CNTNAP2: variants seen among roughly 807,000 people sequenced by gnomAD.
CNTNAP2 encodes the protein contactin associated protein 2.
A neutral mutation model predicts 155.2 loss-of-function variants in CNTNAP2; 98 were observed. That is an observed-to-expected ratio of 0.63 (90% confidence interval 0.54 to 0.75). The LOEUF is 0.75. CNTNAP2 is among the 30% of genes least tolerant of loss of function. The probability of loss-of-function intolerance (pLI) is 0.00; values close to 1 mark genes in which losing one functional copy is unlikely to be tolerated. For synonymous variants in CNTNAP2, 651 were observed against 631.2 expected (o/e 1.03, Z -0.47); for missense variants, 1,727 against 1,688.1 (o/e 1.02, Z -0.40).
In CNTNAP2 at chr7:147,995,351, C is replaced by T. The variant is rs552415929; in HGVS notation, c.2383+17362C>T. Among the ~76,000 whole-genome samples the T allele has an allele frequency of 2.0e-5, 3 of 152,174 alleles. No homozygotes were observed. In the East Asian group the frequency reaches 5.8e-4, roughly 29 times the overall value. On this transcript the variant is annotated intron_variant, in intron 15 of 23. Transcript: ENST00000361727. ...CTTCTCCAGCACAAGGATGCTGCCTCTCTCCTTCCCCTGCTCCCCAAACCC... is the reference window on the plus strand; with the variant it reads ...CTTCTCCAGCACAAGGATGCTGCCTTTCTCCTTCCCCTGCTCCCCAAACCC...
chr7:147,105,147 A>G (rs1800739966), intron 4 of CNTNAP2, among the ~76,000 whole-genome samples: 1 of 151,590 alleles, frequency 6.6e-6, no homozygotes, highest in Admixed American at 6.6e-5. Context: ...TAAACTTAAA[A>G]TTTTAATATT....
intron 2 of CNTNAP2, among the ~76,000 whole-genome samples, chr7:146,780,068 T>C (rs1025557489): frequency 1.3e-5 from 2 of 152,190 alleles, no homozygotes; most frequent in African/African-American, 4.8e-5. Context: ...GTATTTCTGG[T>C]TCTAGATCCT....
Position 147,287,549 on chromosome 7 carries a change from C to T in CNTNAP2, c.1349-12592C>T, listed in dbSNP as rs573348065. The stretch of plus-strand genomic sequence containing the variant: ...TGAAAATTTAGAGTACTCCAAGGTT[C>T]AGCCTAAACTCTCTTTTCTGTGTCA... On this transcript the variant is annotated intron_variant, in intron 8 of 23. Coordinates refer to ENST00000361727, the MANE Select transcript of CNTNAP2 (RefSeq NM_014141.6). 1.6e-4 allele frequency among the ~76,000 whole-genome samples: 24 copies of T among 152,172 alleles called. No homozygotes were observed. In the East Asian group the frequency reaches 4.1e-3, roughly 26 times the overall value.
intron 13 of CNTNAP2, among the ~76,000 whole-genome samples, chr7:147,783,761 G>A (rs1051283030): frequency 5.3e-5 from 8 of 152,292 alleles, no homozygotes; most frequent in Non-Finnish European, 8.8e-5. Flanking sequence ...ACCCCAGAGA[G>A]TTCCTTCTCC....
intron 1 of CNTNAP2, among the ~76,000 whole-genome samples, chr7:146,645,340 G>A (rs1385491939): frequency 6.6e-6 from 1 of 152,120 alleles, no homozygotes; most frequent in Non-Finnish European, 1.5e-5. Flanking sequence ...CATTGCATGG[G>A]GGCTGGAGGG....
chr7:147,919,738 G>A (rs1444124078), intron 14 of CNTNAP2, among the ~76,000 whole-genome samples: 2 of 151,194 alleles, frequency 1.3e-5, no homozygotes, highest in Non-Finnish European at 2.9e-5. Context: ...GATTACAGGC[G>A]TGAGCCACCA....
At chr7:146,380,890 T>TG (rs1276908934) in intron 1 of CNTNAP2, among the ~76,000 whole-genome samples, 2 of 131,714 alleles carry the variant, frequency 1.5e-5, no homozygotes, top group Admixed American at 1.7e-4. Context: ...CTCCGCCCCC[T>TG]GGGGTTCACG....
chr7:147,862,227 T>C lies in CNTNAP2; in HGVS notation c.2099-41338T>C, dbSNP rs1226224481. Among the ~76,000 whole-genome samples, 5 of 152,248 alleles carry C rather than the reference T, an allele frequency of 3.3e-5. No homozygotes were observed. The East Asian group carries it at 9.7e-4, about 29-fold the overall frequency. On this transcript the variant is annotated intron_variant, in intron 13 of 23. Coordinates refer to ENST00000361727, the MANE Select transcript of CNTNAP2 (RefSeq NM_014141.6). ...TTATAAAATGCCTGACACATAACTGTGATTACAGCATTAGAGGTTTAAAAT... is the reference window on the plus strand; with the variant it reads ...TTATAAAATGCCTGACACATAACTGCGATTACAGCATTAGAGGTTTAAAAT...
chr7:146,585,101 G>T (rs1798667471), intron 1 of CNTNAP2, among the ~76,000 whole-genome samples: 1 of 147,858 alleles, frequency 6.8e-6, no homozygotes, highest in Non-Finnish European at 1.5e-5. Context: ...GAGTATCTTG[G>T]TGTTTTGTTT....
At chr7:147,965,614 C>T (rs1200362740) in intron 14 of CNTNAP2, among the ~76,000 whole-genome samples, 1 of 151,866 alleles carries the variant, frequency 6.6e-6, no homozygotes, top group African/African-American at 2.4e-5. Context: ...CACTCCCACC[C>T]CACCCTCCAG....
At chr7:147,616,584 A>G (rs1801297984) in intron 12 of CNTNAP2, among the ~76,000 whole-genome samples, 1 of 151,976 alleles carries the variant, frequency 6.6e-6, no homozygotes, top group Non-Finnish European at 1.5e-5. Context: ...CTTCCCATTG[A>G]TCTTCATATC....
chr7:147,570,100 C>G (rs1484218225), intron 12 of CNTNAP2, among the ~76,000 whole-genome samples: 1 of 152,196 alleles, frequency 6.6e-6, no homozygotes, highest in African/African-American at 2.4e-5. Flanking sequence ...TTGGTCGTCA[C>G]TCAGGATAAT....
At chr7:148,393,447 C>G (rs755082824) in intron 22 of CNTNAP2, among the ~76,000 whole-genome samples, 1 of 152,202 alleles carries the variant, frequency 6.6e-6, no homozygotes, top group Non-Finnish European at 1.5e-5. Context: ...CCTGCAAAAA[C>G]ACCAAGCGCA....
intron 14 of CNTNAP2, among the ~76,000 whole-genome samples, chr7:147,925,889 G>A (rs1245197345): frequency 6.6e-6 from 1 of 151,998 alleles, no homozygotes; most frequent in Non-Finnish European, 1.5e-5. Context: ...TCAACTCCTG[G>A]CAACAACTGA....
intron 21 of CNTNAP2, among the ~76,000 whole-genome samples, chr7:148,306,393 T>C (rs1475784148): frequency 6.6e-6 from 1 of 152,192 alleles, no homozygotes; most frequent in Non-Finnish European, 1.5e-5. Context: ...CAATTTCTTC[T>C]TTCATTTCCT....
intron 8 of CNTNAP2, among the ~76,000 whole-genome samples, chr7:147,209,018 T>C (rs1803080975): frequency 6.6e-6 from 1 of 151,984 alleles, no homozygotes; most frequent in South Asian, 2.1e-4. Flanking sequence ...TTTGTTTTTA[T>C]GTATATTGTG....
intron 8 of CNTNAP2, among the ~76,000 whole-genome samples, chr7:147,161,312 G>A (rs938170932): frequency 6.6e-6 from 1 of 152,154 alleles, no homozygotes; most frequent in Non-Finnish European, 1.5e-5. Flanking sequence ...GGATAAGTGA[G>A]CCTCCTCCTG....
At chr7:147,250,432 G>A (rs943435626) in intron 8 of CNTNAP2, among the ~76,000 whole-genome samples, 6 of 152,114 alleles carry the variant, frequency 3.9e-5, no homozygotes, top group Admixed American at 6.5e-5. Context: ...GCTCTTCAGC[G>A]TGAGGATCGA....
chr7:148,392,214 C>T (rs980027144), intron 22 of CNTNAP2, among the ~76,000 whole-genome samples: 4 of 152,176 alleles, frequency 2.6e-5, no homozygotes, highest in Non-Finnish European at 5.9e-5. Context: ...GCTGGGACTA[C>T]AGGCACGCAC....
Sources: gnomAD v4.1 joint callset for allele counts (sites outside exome capture counted in the v4.1 genomes callset) on GRCh38, gnomAD v4.1.1 for gene constraint, MANE v1.5 for transcripts, NCBI Gene and HGNC (gene_info 2026-07-23, HGNC 2026-07-21) for gene names.